Variants in LMTK2 observed in about 807,000 individuals in gnomAD.
The protein encoded by LMTK2 is lemur tail kinase 2.
A neutral mutation model predicts 127.5 loss-of-function variants in LMTK2; 37 were observed. The observed-to-expected ratio is 0.29, with a 90% CI of 0.22 to 0.38. The LOEUF is 0.38. Among genes scored for constraint, LMTK2 ranks in the 10% least tolerant of loss-of-function variants. The probability of loss-of-function intolerance (pLI) is 1.00; values close to 1 mark genes in which losing one functional copy is unlikely to be tolerated. For synonymous variants in LMTK2, 819 were observed against 810.1 expected (o/e 1.01, Z -0.19); for missense variants, 1,694 against 1,920.3 (o/e 0.88, Z 2.20).
chr7:98,159,214 T>C, intron 5 of LMTK2, 124 bp from the exon 6 acceptor site: 1 of 541,522 alleles, frequency 1.8e-6, no homozygotes, highest in Non-Finnish European at 3.2e-6. Flanking sequence ...TATGTAAATA[T>C]TATATAAATT....
chr7:98,138,172 G>A (rs565222929), intron 2 of LMTK2, among the ~76,000 whole-genome samples: 159 of 152,282 alleles, frequency 1.0e-3, no homozygotes, highest in Non-Finnish European at 1.9e-3. Flanking sequence ...GAATACATGG[G>A]GGGGAGAAGG....
intron 1 of LMTK2, among the ~76,000 whole-genome samples, chr7:98,136,116 G>A (rs561761032): frequency 8.1e-4 from 124 of 152,280 alleles, no homozygotes; most frequent in African/African-American, 2.7e-3. Context: ...GATGGGGCAT[G>A]CCAAAAAGAT....
intron 4 of LMTK2, 149 bp downstream of exon 4, chr7:98,151,604 G>T: frequency 1.6e-6 from 1 of 608,888 alleles, no homozygotes; most frequent in Non-Finnish European, 2.8e-6. Flanking sequence ...GTGGCAGCGT[G>T]GGGGCGTGAG....
intron 7 of LMTK2, among the ~76,000 whole-genome samples, chr7:98,183,456 C>T (rs957308177): frequency 1.3e-5 from 2 of 151,954 alleles, no homozygotes; most frequent in Non-Finnish European, 2.9e-5. Flanking sequence ...AGTGCGATCT[C>T]GGCTTATTGC....
chr7:98,107,451 G>C lies in LMTK2; in HGVS notation c.103+171G>C, dbSNP rs138233090. Among the ~76,000 whole-genome samples the C allele has an allele frequency of 5.1e-3, 768 of 151,968 alleles. 3 individuals carry two copies. The highest frequency in any genetic ancestry group is 8.3e-3 in the Non-Finnish European group (563 of 67,904). On this transcript the variant is annotated intron_variant, in intron 1 of 13. Coordinates refer to ENST00000297293, the MANE Select transcript of LMTK2 (RefSeq NM_014916.4). ...TCTGCCGCAGGGGCGTGGGATTTGG[G>C]GGGGCGGGAGCGAGGCGACGTCGTT...
intron 3 of LMTK2, among the ~76,000 whole-genome samples, chr7:98,149,383 T>C (rs1450817343): frequency 1.3e-5 from 2 of 152,242 alleles, no homozygotes; most frequent in Non-Finnish European, 2.9e-5. Flanking sequence ...TTTGACCATC[T>C]TCTAGAGTTT....
intron 1 of LMTK2, among the ~76,000 whole-genome samples, chr7:98,123,840 T>G (rs995765956): frequency 1.3e-5 from 2 of 152,208 alleles, no homozygotes; most frequent in African/African-American, 4.8e-5. Context: ...TGTTTTGGAA[T>G]GAGCTTCTAC....
chr7:98,154,949 G>A, intron 5 of LMTK2, 73 bp downstream of exon 5: 1 of 853,228 alleles, frequency 1.2e-6, no homozygotes, highest in East Asian at 2.5e-5. Context: ...TAAAACTACT[G>A]TGGGATTTCT....
At chr7:98,140,134 C>CT (rs1554386878) in intron 2 of LMTK2, among the ~76,000 whole-genome samples, 2 of 18,154 alleles carry the variant, frequency 1.1e-4, no homozygotes, top group African/African-American at 4.1e-4. Context: ...TTCTTTCTTT[C>CT]TTTCTTTCTT....
chr7:98,167,855 G>A (rs951192198), intron 6 of LMTK2, among the ~76,000 whole-genome samples: 2 of 152,198 alleles, frequency 1.3e-5, no homozygotes, highest in East Asian at 3.9e-4. Flanking sequence ...AGAGCCAGTG[G>A]GGGGGCCGAG....
At chr7:98,191,011 T>C in intron 10 of LMTK2, 134 bp downstream of exon 10, 1 of 844,886 alleles carries the variant, frequency 1.2e-6, no homozygotes, top group South Asian at 1.8e-5. Context: ...TGAGCTGAAC[T>C]ACTTAATGTG....
At chr7:98,142,662 T>C (rs1447326721) in intron 3 of LMTK2, among the ~76,000 whole-genome samples, 2 of 152,190 alleles carry the variant, frequency 1.3e-5, no homozygotes, top group African/African-American at 4.8e-5. Flanking sequence ...TGGATTCATT[T>C]CAAGTAGCTG....
intron 6 of LMTK2, among the ~76,000 whole-genome samples, chr7:98,160,506 G>T (rs1222964968): frequency 6.6e-6 from 1 of 152,154 alleles, no homozygotes; most frequent in Non-Finnish European, 1.5e-5. Context: ...CTTCTGGGCT[G>T]CATTCATCTT....
At chr7:98,181,877 T>C (rs1797361843) in intron 7 of LMTK2, among the ~76,000 whole-genome samples, 1 of 152,190 alleles carries the variant, frequency 6.6e-6, no homozygotes, top group Non-Finnish European at 1.5e-5. Context: ...CAGGAAGGTC[T>C]CCATCTCTTG....
chr7:98,169,499 A>G (rs1797153554), intron 6 of LMTK2, among the ~76,000 whole-genome samples: 1 of 152,264 alleles, frequency 6.6e-6, no homozygotes, highest in Non-Finnish European at 1.5e-5. Context: ...AGGATTGGCC[A>G]GATTCAGCCC....
At position 98,152,242 on chromosome 7, in the gene LMTK2, G is replaced by C. The variant is rs1413454456; in HGVS notation, c.450+787G>C. On this transcript the variant is annotated intron_variant, in intron 4 of 13. Transcript: ENST00000297293. ...ATGCTTTGTTGATTTTTTTATCGTA[G>C]ATGGCTCAGAAGGAGTAATCTCCTA... Among the ~76,000 whole-genome samples the C allele has an allele frequency of 2.0e-5, 3 of 152,204 alleles. No individual in the cohort carries two copies. In the East Asian group the frequency reaches 5.8e-4, roughly 29 times the overall value.
chr7:98,160,571 GAA>G (rs943443717), intron 6 of LMTK2, among the ~76,000 whole-genome samples: 5 of 152,146 alleles, frequency 3.3e-5, no homozygotes, highest in Non-Finnish European at 7.4e-5. Flanking sequence ...GAAAAAAAGA[GAA>G]AGTGTATTCT....
At position 98,122,677 on chromosome 7, in the gene LMTK2, GGTGT is replaced by G. The variant is rs1192444903; in HGVS notation, c.104-14591_104-14588del. Among the ~76,000 whole-genome samples, 665 of 108,190 alleles carry G rather than the reference GGTGT, an allele frequency of 6.1e-3. 9 individuals carry two copies. The highest frequency in any genetic ancestry group is 0.022 in the African/African-American group (578 of 26,758). 71.0% of individuals were successfully genotyped at this position (108,190 alleles called of 152,430 possible). Reference sequence around the variant, plus strand: ...AACAGTTCAGTGAATAACTCTACATGGTGTGTGTGTGTGTGTGTGTGTGTGTGTG... The same window carrying G: ...AACAGTTCAGTGAATAACTCTACATGGTGTGTGTGTGTGTGTGTGTGTGTG... On this transcript the variant is annotated intron_variant, in intron 1 of 13. Coordinates refer to ENST00000297293, the MANE Select transcript of LMTK2 (RefSeq NM_014916.4).
At chr7:98,158,405 G>C (rs1796961101) in intron 5 of LMTK2, among the ~76,000 whole-genome samples, 1 of 152,166 alleles carries the variant, frequency 6.6e-6, no homozygotes, top group Admixed American at 6.5e-5. Flanking sequence ...TTCCCGAGGA[G>C]CTGGGACCAC....
Sources: allele counts gnomAD v4.1 joint callset (sites outside exome capture counted in the v4.1 genomes callset), GRCh38; gene constraint gnomAD v4.1.1; transcripts MANE v1.5; gene names NCBI Gene and HGNC (gene_info 2026-07-23, HGNC 2026-07-21).